The following AGAP1 variants were observed in gnomAD, a reference collection of about 807,000 sequenced individuals.
AGAP1 encodes arf-GAP with GTPase, ANK repeat and PH domain-containing protein 1.
In AGAP1, 29 loss-of-function variants were observed where a neutral mutation model predicts 105.3. The observed-to-expected ratio is 0.28, with a 90% CI of 0.21 to 0.38. AGAP1 has a LOEUF of 0.38. AGAP1 is among the 10% of genes least tolerant of loss of function. AGAP1 has a pLI of 1.00. For synonymous variants in AGAP1, 509 were observed against 485.9 expected (o/e 1.05, Z -0.63); for missense variants, 998 against 1,165.1 (o/e 0.86, Z 2.09).
chr2:235,740,707 A>T lies in AGAP1; in HGVS notation c.311-256A>T, dbSNP rs186027187. ...AAAGCCCACATGAGAAGTCCACACT[A>T]ATTGGCCACGAGTGTCTGGCATTGC... On this transcript the variant is annotated intron_variant, in intron 3 of 17. Transcript: ENST00000304032. This position sits in a 1 kb window ranked among gnomAD's most constrained non-coding sequence, Gnocchi z 5.7. Among the ~76,000 whole-genome samples the T allele has an allele frequency of 2.5e-3, 388 of 152,342 alleles. 3 individuals are homozygous for T. Among genetic ancestry groups the T allele is most frequent in the East Asian group, 0.02 (103 of 5,182 alleles).
At chr2:236,016,538 CA>C (rs2056710356) in intron 13 of AGAP1, among the ~76,000 whole-genome samples, 1 of 152,054 alleles carries the variant, frequency 6.6e-6, no homozygotes, top group South Asian at 2.1e-4. Context: ...GCCTTGAGGG[CA>C]AATGGTTCCC....
Position 235,635,974 on chromosome 2 carries a change from A to G in AGAP1, c.164-73205A>G, listed in dbSNP as rs1261465762. ...CTAAAACTACAAAAATGAGCTGGGC[A>G]TGGGGGTGCATGCCTGTAATCCCAG... is the stretch of plus-strand genomic sequence containing the variant. On this transcript the variant is annotated intron_variant, in intron 1 of 17. Coordinates refer to ENST00000304032, the MANE Select transcript of AGAP1 (RefSeq NM_001037131.3). This position sits in a 1 kb window ranked among gnomAD's most constrained non-coding sequence, Gnocchi z 5.3. Among the ~76,000 whole-genome samples the G allele has an allele frequency of 3.9e-5, 6 of 151,934 alleles. No homozygotes were observed. The highest frequency in any genetic ancestry group is 5.9e-5 in the Non-Finnish European group (4 of 67,994).
intron 1 of AGAP1, among the ~76,000 whole-genome samples, chr2:235,534,334 G>A (rs1294365404): frequency 3.9e-5 from 6 of 152,274 alleles, no homozygotes; most frequent in South Asian, 2.1e-4. Context: ...ATAAGAGGTC[G>A]CTGCTGTGAT....
chr2:235,937,371 A>AT (rs1291777263), intron 12 of AGAP1, among the ~76,000 whole-genome samples: 3 of 152,034 alleles, frequency 2.0e-5, no homozygotes, highest in African/African-American at 4.8e-5. Context: ...TGAAAGGTGG[A>AT]TTTTTTTTCC....
intron 6 of AGAP1, chr2:235,774,473 G>T (rs1575420212): frequency 9.6e-6 from 4 of 418,708 alleles, no homozygotes; most frequent in Middle Eastern, 3.5e-4. Context: ...GGCAAGACCA[G>T]TAGGCTAATG....
rs13410971 is a variant in AGAP1 at position 235,785,347 on chromosome 2, G to C, written c.674-12412G>C. On this transcript the variant is annotated intron_variant, in intron 6 of 17. Coordinates refer to ENST00000304032, the MANE Select transcript of AGAP1 (RefSeq NM_001037131.3). ...TAAAAATAGGAAGCAAATTAGACCT[G>C]ATAAGTTGTTAAGCCTATATTAATC... Among the ~76,000 whole-genome samples the C allele has an allele frequency of 2.5e-3, 374 of 152,264 alleles. 1 individual carries two copies. Among genetic ancestry groups the C allele is most frequent in the African/African-American group, 8.8e-3 (364 of 41,534 alleles).
chr2:235,606,917 A>C (rs1296917489), intron 1 of AGAP1, among the ~76,000 whole-genome samples: 1 of 138,582 alleles, frequency 7.2e-6, no homozygotes, highest in African/African-American at 2.7e-5. Context: ...CTCCAGCCTG[A>C]TGACAGAGCA....
intron 1 of AGAP1, among the ~76,000 whole-genome samples, chr2:235,501,692 TTG>T (rs1459592808): frequency 6.6e-6 from 1 of 152,200 alleles, no homozygotes; most frequent in Admixed American, 6.5e-5. Context: ...TGTTTATAGT[TTG>T]TGAGTCTCAC....
In AGAP1 at chr2:235,614,255, C is replaced by G. The variant is rs1946235441; in HGVS notation, c.164-94924C>G. On this transcript the variant is annotated intron_variant, in intron 1 of 17. Transcript: ENST00000304032. This position sits in a 1 kb window ranked among gnomAD's most constrained non-coding sequence, Gnocchi z 4.7. The stretch of plus-strand genomic sequence containing the variant: ...CATAATCATACAGTTAGCAGTGTGG[C>G]CAGCGTCACTTAAAGCGGGGAGGTG... 6.6e-6 allele frequency among the ~76,000 whole-genome samples: 1 copy of G among 152,052 alleles called. No homozygotes were observed. The highest frequency in any genetic ancestry group is 6.6e-5 in the Admixed American group (1 of 15,266).
intron 13 of AGAP1, among the ~76,000 whole-genome samples, chr2:235,990,089 G>A (rs1247048118): frequency 6.6e-6 from 1 of 152,160 alleles, no homozygotes; most frequent in Non-Finnish European, 1.5e-5. Context: ...GTTGTCCCAA[G>A]TGCTCTACCG....
chr2:235,916,711 T>G (rs759927050), intron 11 of AGAP1, among the ~76,000 whole-genome samples: 1 of 152,238 alleles, frequency 6.6e-6, no homozygotes, highest in Non-Finnish European at 1.5e-5. Context: ...TGGCCGATGC[T>G]GACTTCACAG....
At chr2:235,831,701 C>G (rs919981244) in intron 9 of AGAP1, among the ~76,000 whole-genome samples, 1 of 152,182 alleles carries the variant, frequency 6.6e-6, no homozygotes, top group East Asian at 1.9e-4. Context: ...TGTGTTTATC[C>G]ATTCACCTAT....
intron 9 of AGAP1, among the ~76,000 whole-genome samples, chr2:235,818,411 A>G (rs1314975239): frequency 1.3e-5 from 2 of 152,072 alleles, no homozygotes; most frequent in Non-Finnish European, 2.9e-5. Context: ...TTCCCGCCCC[A>G]TGCCATCTGT....
chr2:235,806,262 A>G, intron 8 of AGAP1, among the ~76,000 whole-genome samples: 1 of 152,264 alleles, frequency 6.6e-6, no homozygotes. Context: ...ATGTTTCTCC[A>G]TTTTCAATAT....
At chr2:235,813,159 G>A (rs536811925) in intron 9 of AGAP1, among the ~76,000 whole-genome samples, 2 of 152,242 alleles carry the variant, frequency 1.3e-5, no homozygotes, top group African/African-American at 2.4e-5. Context: ...TGAGTATATC[G>A]GGCACACCCT....
Position 235,629,160 on chromosome 2 carries a change from A to C in AGAP1, c.164-80019A>C, listed in dbSNP as rs777601069. Among the ~76,000 whole-genome samples, 8 of 152,116 alleles carry C rather than the reference A, an allele frequency of 5.3e-5. No homozygotes were observed. The East Asian group carries it at 1.5e-3, about 29-fold the overall frequency. On this transcript the variant is annotated intron_variant, in intron 1 of 17. Coordinates refer to ENST00000304032, the MANE Select transcript of AGAP1 (RefSeq NM_001037131.3). ...GCTCCCACCTATCCGTGAGAACAAC[A>C]ATGTTTGGTTTTCCATTCCTGAGTT...
At position 235,989,581 on chromosome 2, in the gene AGAP1, G is replaced by A. The variant is rs985217953; in HGVS notation, c.1645+20958G>A. Among the ~76,000 whole-genome samples, 9 of 152,128 alleles carry A rather than the reference G, an allele frequency of 5.9e-5. No individual in the cohort carries two copies. The highest frequency in any genetic ancestry group is 1.2e-4 in the Non-Finnish European group (8 of 68,024). Reference sequence around the variant, plus strand: ...TGCCTGCGTGCAAGGAGGACATGAGGCCACATACAAAGCTTAGGGCCACCC... The same window carrying A: ...TGCCTGCGTGCAAGGAGGACATGAGACCACATACAAAGCTTAGGGCCACCC... On this transcript the variant is annotated intron_variant, in intron 13 of 17. Coordinates refer to ENST00000304032, the MANE Select transcript of AGAP1 (RefSeq NM_001037131.3). This position sits in a 1 kb window ranked among gnomAD's most constrained non-coding sequence, Gnocchi z 4.4.
intron 9 of AGAP1, among the ~76,000 whole-genome samples, chr2:235,862,386 A>G (rs1421592209): frequency 6.6e-6 from 1 of 152,204 alleles, no homozygotes. Flanking sequence ...ATAAGGAAAT[A>G]TTTGTGCTGC....
chr2:235,530,925 C>T (rs952379064), intron 1 of AGAP1, among the ~76,000 whole-genome samples: 1 of 152,130 alleles, frequency 6.6e-6, no homozygotes, highest in African/African-American at 2.4e-5. Context: ...GTGGGAGACC[C>T]TGCACACCTG....
Sources: allele counts gnomAD v4.1 joint callset (sites outside exome capture counted in the v4.1 genomes callset), GRCh38; gene constraint gnomAD v4.1.1; non-coding constraint Gnocchi (gnomAD v3.1); transcripts MANE v1.5; gene names NCBI Gene and HGNC (gene_info 2026-07-23, HGNC 2026-07-21).